MAPK4: variants seen among roughly 807,000 people sequenced by gnomAD.
The protein encoded by MAPK4 is Erk3-related.
MAPK4 carries 22 observed loss-of-function variants against 47.7 expected under a neutral mutation model. The observed-to-expected ratio is 0.46, with a 90% CI of 0.33 to 0.66. The LOEUF is 0.66. Among genes scored for constraint, MAPK4 ranks in the 30% least tolerant of loss-of-function variants. MAPK4 has a pLI of 0.02. For synonymous variants in MAPK4, 390 were observed against 365.7 expected (o/e 1.07, Z -0.76); for missense variants, 736 against 831.7 (o/e 0.88, Z 1.42).
chr18:50,621,790 C>T (rs1042232824), intron 1 of MAPK4, among the ~76,000 whole-genome samples: 15 of 152,194 alleles, frequency 9.9e-5, no homozygotes, highest in African/African-American at 3.6e-4. Flanking sequence ...TTATGATTTC[C>T]CTGGAGTTTC....
At chr18:50,724,590 C>T (rs1430282974) in intron 4 of MAPK4, among the ~76,000 whole-genome samples, 3 of 152,228 alleles carry the variant, frequency 2.0e-5, no homozygotes, top group East Asian at 1.9e-4. Context: ...CCCAGAAACA[C>T]GCTCTGAGCA....
In MAPK4 at chr18:50,731,805, TAA is replaced by T. The variant is rs1911579752; in HGVS notation, c.*1953_*1954del. The T allele has an allele frequency of 6.6e-6, 1 of 152,224 alleles. No homozygotes were observed. The allele number at this position is 152,224 out of a possible 1,614,324, so 9.4% of individuals were successfully genotyped here. ...TTAAACTTGATCAGGTCAGGCCAAA[TAA>T]AGTTTTATTGGAACACAGATTTATT... On this transcript the variant is annotated 3_prime_UTR_variant, in exon 6 of 6. Transcript: ENST00000400384.
intron 1 of MAPK4, among the ~76,000 whole-genome samples, chr18:50,642,625 C>T (rs986363095): frequency 1.3e-5 from 2 of 152,166 alleles, no homozygotes; most frequent in Admixed American, 6.5e-5. Flanking sequence ...AGGGTGTTAA[C>T]CACAGGGGGA....
intron 4 of MAPK4, among the ~76,000 whole-genome samples, chr18:50,725,293 G>A (rs1259585190): frequency 6.6e-6 from 1 of 152,206 alleles, no homozygotes; most frequent in African/African-American, 2.4e-5. Flanking sequence ...GCATATGGTA[G>A]GAAGAGCTCT....
intron 1 of MAPK4, among the ~76,000 whole-genome samples, chr18:50,614,006 A>C (rs1193537560): frequency 2.6e-5 from 4 of 152,218 alleles, no homozygotes; most frequent in Non-Finnish European, 5.9e-5. Context: ...TATATTGACA[A>C]TATATCTTTA....
At chr18:50,633,766 T>G (rs552461987) in intron 1 of MAPK4, among the ~76,000 whole-genome samples, 32 of 152,148 alleles carry the variant, frequency 2.1e-4, no homozygotes, top group Non-Finnish European at 4.3e-4. Context: ...CTCCTCCTGA[T>G]GGTTGATAGG....
At chr18:50,589,269 GA>G (rs2042414442) in intron 1 of MAPK4, among the ~76,000 whole-genome samples, 1 of 152,058 alleles carries the variant, frequency 6.6e-6, no homozygotes, top group Admixed American at 6.6e-5. Context: ...TATGGATACA[GA>G]AAAAACTTGG....
At chr18:50,568,491 C>T (rs150771142) in intron 1 of MAPK4, among the ~76,000 whole-genome samples, 28 of 152,260 alleles carry the variant, frequency 1.8e-4, no homozygotes, top group African/African-American at 5.5e-4. Flanking sequence ...AGAGTGTTGC[C>T]TAGAAAAGTA....
At chr18:50,653,684 A>T (rs1049848986) in intron 1 of MAPK4, among the ~76,000 whole-genome samples, 3 of 152,248 alleles carry the variant, frequency 2.0e-5, no homozygotes, top group Non-Finnish European at 4.4e-5. Context: ...TGCACCACGC[A>T]CTGTGCTGAG....
At position 50,668,678 on chromosome 18, in the gene MAPK4, G is replaced by A. The variant is rs547557176; in HGVS notation, c.546+4174G>A. Reference sequence around the variant, plus strand: ...CCTCTGTGTTATTCTCACTCATCTCGCCAACTGCATGACCTTGGGCAAGTC... The same window carrying A: ...CCTCTGTGTTATTCTCACTCATCTCACCAACTGCATGACCTTGGGCAAGTC... On this transcript the variant is annotated intron_variant, in intron 2 of 5. Coordinates refer to ENST00000400384, the MANE Select transcript of MAPK4 (RefSeq NM_002747.4). Among the ~76,000 whole-genome samples the A allele has an allele frequency of 3.9e-5, 6 of 152,264 alleles. No individual in the cohort carries two copies. In the South Asian group the frequency reaches 1.2e-3, roughly 32 times the overall value.
chr18:50,665,462 C>T (rs886726139), intron 2 of MAPK4, among the ~76,000 whole-genome samples: 10 of 152,238 alleles, frequency 6.6e-5, no homozygotes, highest in African/African-American at 2.4e-4. Flanking sequence ...TAAAACATCT[C>T]CTTGGGATTA....
At chr18:50,626,575 A>G (rs1051003813) in intron 1 of MAPK4, among the ~76,000 whole-genome samples, 3 of 152,160 alleles carry the variant, frequency 2.0e-5, no homozygotes, top group African/African-American at 7.2e-5. Context: ...TTGCTCCGAC[A>G]CTGTCCCTCT....
intron 2 of MAPK4, among the ~76,000 whole-genome samples, chr18:50,679,670 T>C (rs949606144): frequency 6.6e-6 from 1 of 152,188 alleles, no homozygotes; most frequent in African/African-American, 2.4e-5. Context: ...CAGGCTCCGT[T>C]CCAGAATTTG....
chr18:50,593,476 G>A (rs2042455441), intron 1 of MAPK4, among the ~76,000 whole-genome samples: 1 of 152,178 alleles, frequency 6.6e-6, no homozygotes, highest in South Asian at 2.1e-4. Flanking sequence ...ATATGCTTCA[G>A]CAGATAACCC....
intron 1 of MAPK4, among the ~76,000 whole-genome samples, chr18:50,576,064 A>T (rs1910669593): frequency 6.6e-6 from 1 of 152,192 alleles, no homozygotes; most frequent in East Asian, 1.9e-4. Context: ...TAGTTCAGCC[A>T]TTGTGGGAGA....
chr18:50,630,346 G>A (rs915638277), intron 1 of MAPK4, among the ~76,000 whole-genome samples: 7 of 152,068 alleles, frequency 4.6e-5, no homozygotes, highest in African/African-American at 7.2e-5. Context: ...GCACCACCAC[G>A]CCCAGCAAAT....
chr18:50,590,308 C>G (rs1043403734), intron 1 of MAPK4, among the ~76,000 whole-genome samples: 2 of 152,202 alleles, frequency 1.3e-5, no homozygotes, highest in Admixed American at 6.5e-5. Context: ...TAAAAACATA[C>G]TATTTCTAGC....
chr18:50,682,259 A>C (rs57603353), intron 2 of MAPK4, among the ~76,000 whole-genome samples: 8,781 of 152,254 alleles, frequency 0.058, 566 homozygotes, highest in African/African-American at 0.16. Context: ...TTTAAGAGAT[A>C]ATTTGAATAC....
At chr18:50,717,731 C>T (rs1223033452) in intron 3 of MAPK4, among the ~76,000 whole-genome samples, 1 of 152,186 alleles carries the variant, frequency 6.6e-6, no homozygotes, top group Non-Finnish European at 1.5e-5. Context: ...CCTGTGGCCC[C>T]ACGGGGAGCC....
Sources: allele counts gnomAD v4.1 joint callset (sites outside exome capture counted in the v4.1 genomes callset), GRCh38; gene constraint gnomAD v4.1.1; transcripts MANE v1.5; gene names NCBI Gene and HGNC (gene_info 2026-07-23, HGNC 2026-07-21).